Variants in COX6C observed in about 807,000 individuals in gnomAD.
COX6C encodes the protein cytochrome c oxidase polypeptide VIc.
A neutral mutation model predicts 6.9 loss-of-function variants in COX6C; 3 were observed. That is an observed-to-expected ratio of 0.43 (90% CI 0.20 to 1.12). COX6C has a LOEUF of 1.12. Ranked by LOEUF, COX6C falls within the 50% of genes most tolerant of loss-of-function variation. The probability of loss-of-function intolerance (pLI) is 0.27; values close to 1 mark genes in which losing one functional copy is unlikely to be tolerated. For missense variants in COX6C, 101 were observed against 97.3 expected, an observed-to-expected ratio of 1.04 and a Z score of -0.16; for synonymous variants, 32 against 32.0, an observed-to-expected ratio of 1.00 and a Z score of 0.00.
chr8:99,887,536 C>A lies in COX6C; in HGVS notation c.197G>T (p.Arg66Met). 1 of 1,607,882 alleles carries A rather than the reference C, an allele frequency of 6.2e-7. No individual in the cohort carries two copies. The highest frequency in any genetic ancestry group is 8.5e-7 in the Non-Finnish European group (1 of 1,177,602). Reference protein sequence around the residue: ...YDVMKDFEEMRKAGIFQSVK With the variant: ...YDVMKDFEEMMKAGIFQSVK ...TACACTCTGAAAGATACCAGCCTTCCTCATCTCCTCAAAATCTTTCATGAC... is the reference window on the plus strand; with the variant it reads ...TACACTCTGAAAGATACCAGCCTTCATCATCTCCTCAAAATCTTTCATGAC... The change falls in exon 3 of 4, where the codon AGG (arginine) becomes ATG (methionine). Residue 66 changes from arginine (R) to methionine (M), a missense_variant. By Grantham distance (91) the Arg-to-Met change is moderately conservative (BLOSUM62 -1). Coordinates refer to ENST00000520468, the MANE Select transcript of COX6C (RefSeq NM_004374.4).
intron 3 of COX6C, chr8:99,885,904 G>T (rs1005424320): frequency 6.6e-6 from 1 of 152,122 alleles, no homozygotes; most frequent in African/African-American, 2.4e-5. Context: ...AATATATACA[G>T]AACAACTCAA....
rs753424448 is a variant in COX6C, at chr8:99,891,984, C to T, written c.38G>A (p.Gly13Asp). The T allele has an allele frequency of 1.6e-5, 26 of 1,613,542 alleles. No homozygotes were observed. Among genetic ancestry groups the T allele is most frequent in the Non-Finnish European group, 1.9e-5 (23 of 1,179,936 alleles). The change falls in exon 2 of 4, where the codon GGC becomes GAC. Residue 13 changes from glycine (G) to aspartate (D), a missense_variant. Transcript: ENST00000520468. Reference sequence around the variant, plus strand: ...ATTTCGCAGACGCCTGGCCAGAAGGCCACGCATCCGAGGTTTTGGCAAAAC... The same window carrying T: ...ATTTCGCAGACGCCTGGCCAGAAGGTCACGCATCCGAGGTTTTGGCAAAAC... Reference protein sequence around the residue: ...PEVLPKPRMRGLLARRLRNHM... With the variant: ...PEVLPKPRMRDLLARRLRNHM...
chr8:99,879,134 A>G (rs1182394665), intron 3 of COX6C, among the ~76,000 whole-genome samples: 1 of 152,250 alleles, frequency 6.6e-6, no homozygotes, highest in African/African-American at 2.4e-5. Context: ...ATATACACAT[A>G]AGATTCCAGA....
At chr8:99,882,248 A>ATT (rs1289337858) in intron 3 of COX6C, among the ~76,000 whole-genome samples, 12 of 152,332 alleles carry the variant, frequency 7.9e-5, no homozygotes, top group Non-Finnish European at 1.6e-4. Context: ...GGACTTAACA[A>ATT]AACACTCCAG....
intron 3 of COX6C, chr8:99,878,805 A>G (rs1485852240): frequency 6.6e-6 from 1 of 152,236 alleles, no homozygotes. Context: ...AAGATTATAA[A>G]CAACCATTAA....
intron 2 of COX6C, among the ~76,000 whole-genome samples, chr8:99,889,591 T>C (rs1301443080): frequency 1.3e-5 from 2 of 151,590 alleles, no homozygotes; most frequent in African/African-American, 4.8e-5. Flanking sequence ...TTTCACCATG[T>C]AGGCCAGGCT....
intron 3 of COX6C, among the ~76,000 whole-genome samples, chr8:99,883,552 T>G (rs1190272069): frequency 2.0e-5 from 3 of 151,704 alleles, no homozygotes; most frequent in Admixed American, 2.0e-4. Context: ...TCCTCCTTTC[T>G]CAGCCTCCCA....
At chr8:99,878,314 T>C (rs4626565) in intron 3 of COX6C, 49 bp from the exon 4 acceptor site, 36,995 of 152,054 alleles carry the variant, frequency 0.24, 5,580 homozygotes, top group African/African-American at 0.43. Flanking sequence ...ACTCTCTCAA[T>C]ACTCACCATC....
intron 2 of COX6C, among the ~76,000 whole-genome samples, chr8:99,890,145 T>A (rs1284392461): frequency 6.6e-6 from 1 of 151,590 alleles, no homozygotes; most frequent in African/African-American, 2.4e-5. Context: ...TGTATTTTAG[T>A]AGAGACGTAG....
At chr8:99,883,433 A>ATGTGTGTGTGTGTGTG (rs1272786254) in intron 3 of COX6C, among the ~76,000 whole-genome samples, 56 of 145,744 alleles carry the variant, frequency 3.8e-4, no homozygotes, top group African/African-American at 1.4e-3. Flanking sequence ...GTATATATGT[A>ATGTGTGTGTGTGTGTG]TGTGTGTGTG....
At chr8:99,890,822 G>A (rs1477425793) in intron 2 of COX6C, among the ~76,000 whole-genome samples, 1 of 152,226 alleles carries the variant, frequency 6.6e-6, no homozygotes, top group African/African-American at 2.4e-5. Flanking sequence ...ATTAGGCAGA[G>A]TGTTAAAACG....
intron 3 of COX6C, among the ~76,000 whole-genome samples, chr8:99,883,142 C>CTA (rs1220024487): frequency 1.3e-5 from 2 of 152,008 alleles, no homozygotes; most frequent in Non-Finnish European, 2.9e-5. Flanking sequence ...ATCTGAACGT[C>CTA]TATAACTAGT....
chr8:99,889,273 C>T (rs1054642108), intron 2 of COX6C, among the ~76,000 whole-genome samples: 2 of 151,750 alleles, frequency 1.3e-5, no homozygotes, highest in African/African-American at 2.4e-5. Flanking sequence ...TCCATCTCCT[C>T]TTTGCTCTCC....
At chr8:99,883,491 G>A (rs867565437) in intron 3 of COX6C, among the ~76,000 whole-genome samples, 1 of 147,326 alleles carries the variant, frequency 6.8e-6, no homozygotes, top group Non-Finnish European at 1.5e-5. Context: ...TGGTAGAGAT[G>A]GGGTCTTGCC....
rs569073296 is a variant in COX6C at position 99,882,516 on chromosome 8, T to C, written c.*16-4251A>G. On this transcript the variant is annotated intron_variant, in intron 3 of 3. Coordinates refer to ENST00000520468, the MANE Select transcript of COX6C (RefSeq NM_004374.4). ...TTACAAGGAAATTTTTAAAAAACTG[T>C]ATCAACCTAAGAACTAGAAAAAGAG... Among the ~76,000 whole-genome samples, 22 of 152,272 alleles carry C rather than the reference T, an allele frequency of 1.4e-4. 1 individual carries two copies. Among genetic ancestry groups the C allele is most frequent in the African/African-American group, 5.1e-4 (21 of 41,562 alleles).
chr8:99,888,110 A>T (rs1057216106), intron 2 of COX6C, among the ~76,000 whole-genome samples: 1 of 150,532 alleles, frequency 6.6e-6, no homozygotes, highest in Non-Finnish European at 1.5e-5. Context: ...AAAAATAAAA[A>T]AAAATAAAAA....
intron 1 of COX6C, among the ~76,000 whole-genome samples, chr8:99,892,665 G>A (rs1336946447): frequency 6.6e-6 from 1 of 152,070 alleles, no homozygotes; most frequent in Non-Finnish European, 1.5e-5. Context: ...TCTTGGCTTA[G>A]CCTGTTTCAT....
chr8:99,890,861 A>T (rs960603521), intron 2 of COX6C, among the ~76,000 whole-genome samples: 17 of 152,244 alleles, frequency 1.1e-4, no homozygotes, highest in African/African-American at 4.1e-4. Context: ...TCAAGGTGTC[A>T]AACAGAACTA....
At chr8:99,882,563 GAAT>G (rs1278766574) in intron 3 of COX6C, among the ~76,000 whole-genome samples, 1 of 142,162 alleles carries the variant, frequency 7.0e-6, no homozygotes, top group East Asian at 2.0e-4. Flanking sequence ...AAATGTAGCT[GAAT>G]AATATTAAAC....
Sources: gnomAD v4.1 joint callset for allele counts (sites outside exome capture counted in the v4.1 genomes callset) on GRCh38, gnomAD v4.1.1 for gene constraint, MANE v1.5 for transcripts, NCBI Gene and HGNC (gene_info 2026-07-23, HGNC 2026-07-21) for gene names.